MALRD1: variants seen among roughly 807,000 people sequenced by gnomAD.
MALRD1 encodes the protein MAM and LDL receptor class A domain containing 1, also known as MAM and LDL-receptor class A domain-containing protein 1.
MALRD1 carries 247 observed loss-of-function variants against 242.1 expected under a neutral mutation model. The observed-to-expected ratio is 1.02, with a 90% CI of 0.92 to 1.13. MALRD1 has a LOEUF of 1.13. MALRD1 is among the 50% of genes most tolerant of loss of function. The pLI, the probability that MALRD1 is intolerant of heterozygous loss-of-function variation, is 0.00. For synonymous variants in MALRD1, 995 were observed against 866.6 expected, an observed-to-expected ratio of 1.15 and a Z score of -2.60; for missense variants, 2,989 against 2,533.1, an observed-to-expected ratio of 1.18 and a Z score of -3.86.
Position 19,607,905 on chromosome 10 carries a change from A to G in MALRD1, c.6070+3A>G. On this transcript the variant is annotated splice_donor_region_variant and intron_variant, in intron 35 of 39. Transcript: ENST00000454679. ...GCTTGATGAGTCCAGCTGCTCCGGT[A>G]CCCCATTTCCATTCAGATATTCTTG... 1.3e-6 allele frequency: 2 copies of G among 1,549,062 alleles called. No homozygotes were observed. The highest frequency in any genetic ancestry group is 1.7e-6 in the Non-Finnish European group (2 of 1,146,206).
intron 29 of MALRD1, among the ~76,000 whole-genome samples, chr10:19,484,054 A>G (rs1837135051): frequency 6.6e-6 from 1 of 152,170 alleles, no homozygotes; most frequent in African/African-American, 2.4e-5. Flanking sequence ...TTCTCACTTA[A>G]CATGAGGCCT....
At chr10:19,111,156 T>TAA (rs60020045) in intron 5 of MALRD1, among the ~76,000 whole-genome samples, 1 of 151,778 alleles carries the variant, frequency 6.6e-6, no homozygotes, top group Non-Finnish European at 1.5e-5. Flanking sequence ...ATCATATATA[T>TAA]TCAGAAGACA....
At chr10:19,470,877 G>T (rs1589128135) in intron 29 of MALRD1, among the ~76,000 whole-genome samples, 1 of 151,510 alleles carries the variant, frequency 6.6e-6, no homozygotes, top group Non-Finnish European at 1.5e-5. Flanking sequence ...TACTTTCTTG[G>T]GTCGCGTAGG....
rs189368313 is a variant in MALRD1 at position 19,567,749 on chromosome 10, A to G, written c.5680+46A>G. The G allele has an allele frequency of 4.1e-4, 597 of 1,461,084 alleles. 3 individuals are homozygous for G. In the African/African-American group the frequency reaches 6.6e-3, roughly 16 times the overall value. The allele number at this position is 1,461,084 out of a possible 1,614,324, so 90.5% of individuals were successfully genotyped here. On this transcript the variant is annotated intron_variant, in intron 33 of 39. Coordinates refer to ENST00000454679, the MANE Select transcript of MALRD1 (RefSeq NM_001142308.3). The stretch of plus-strand genomic sequence containing the variant: ...ATGGGAATAAGTATTTGTTTTTAGT[A>G]TCTAAATATACTAAAGATTTGGGAA...
intron 21 of MALRD1, among the ~76,000 whole-genome samples, chr10:19,321,957 TC>T (rs1842929627): frequency 6.6e-6 from 1 of 152,138 alleles, no homozygotes; most frequent in Admixed American, 6.6e-5. Context: ...GATTTATTAT[TC>T]TAAGCAAGAG....
intron 21 of MALRD1, among the ~76,000 whole-genome samples, chr10:19,312,400 A>ATATG (rs1491220851): frequency 6.9e-4 from 99 of 143,612 alleles, no homozygotes; most frequent in African/African-American, 1.7e-3. Flanking sequence ...ATATATATAT[A>ATATG]TGTGTATATG....
intron 18 of MALRD1, 131 bp downstream of exon 18, chr10:19,209,811 T>C: frequency 1.1e-6 from 1 of 900,050 alleles, no homozygotes; most frequent in Non-Finnish European, 1.6e-6. Flanking sequence ...ACATTTATCA[T>C]TTATTTGAGG....
chr10:19,485,283 G>A (rs1564381300), intron 29 of MALRD1, among the ~76,000 whole-genome samples: 1 of 152,116 alleles, frequency 6.6e-6, no homozygotes, highest in Non-Finnish European at 1.5e-5. Context: ...CTTTATCGCT[G>A]TACAATTCAT....
intron 2 of MALRD1, among the ~76,000 whole-genome samples, chr10:19,069,478 T>C (rs548744219): frequency 2.8e-4 from 43 of 152,170 alleles, no homozygotes; most frequent in African/African-American, 1.0e-3. Flanking sequence ...ATTTATTATT[T>C]GCAGCACTCT....
At chr10:19,278,027 T>C (rs1840620933) in intron 19 of MALRD1, among the ~76,000 whole-genome samples, 1 of 152,202 alleles carries the variant, frequency 6.6e-6, no homozygotes, top group Non-Finnish European at 1.5e-5. Context: ...ATTTTATATC[T>C]TGTTATTTCT....
intron 36 of MALRD1, among the ~76,000 whole-genome samples, chr10:19,678,049 C>T (rs1298575257): frequency 2.0e-5 from 3 of 152,030 alleles, no homozygotes; most frequent in Non-Finnish European, 4.4e-5. Flanking sequence ...TGTACTAGTA[C>T]CATGCTGTTT....
In MALRD1 at chr10:19,283,148, A is replaced by G. The variant is rs1180418683; in HGVS notation, c.3386A>G (p.Glu1129Gly). The G allele has an allele frequency of 6.5e-7, 1 of 1,548,638 alleles. No homozygotes were observed. The highest frequency in any genetic ancestry group is 1.2e-5 in the South Asian group (1 of 83,864). The change falls in exon 21 of 40, where the codon GAA (glutamate) becomes GGA (glycine). Residue 1129 changes from glutamate to glycine, a missense_variant. Physicochemically the swap from Glu to Gly is moderately conservative, Grantham distance 98. Transcript: ENST00000454679. ...AACGGGATCAGCATTCATCATGGGG[A>G]AGAAAACCACAGGCCATCAGTGGAT... ...LGNGISIHHG[E>G]ENHRPSVDHT...
intron 10 of MALRD1, 53 bp from the exon 11 acceptor site, chr10:19,146,145 T>C: frequency 8.2e-7 from 1 of 1,214,490 alleles, no homozygotes; most frequent in Non-Finnish European, 1.0e-6. Flanking sequence ...GAGCAGTGTT[T>C]GCCTGCATGC....
chr10:19,340,361 A>G (rs1041494252), intron 24 of MALRD1, among the ~76,000 whole-genome samples: 37 of 128,168 alleles, frequency 2.9e-4, no homozygotes, highest in African/African-American at 1.1e-3. Flanking sequence ...TTTTTTTTGT[A>G]CCCATTAACA....
At chr10:19,454,117 T>C (rs1232292727) in intron 29 of MALRD1, among the ~76,000 whole-genome samples, 1 of 151,310 alleles carries the variant, frequency 6.6e-6, no homozygotes, top group Non-Finnish European at 1.5e-5. Flanking sequence ...TAATAGCTTT[T>C]GGATTTTCCT....
At chr10:19,083,273 A>G (rs1202081237) in intron 2 of MALRD1, among the ~76,000 whole-genome samples, 2 of 151,872 alleles carry the variant, frequency 1.3e-5, no homozygotes, top group African/African-American at 4.8e-5. Flanking sequence ...GCAGCTGATA[A>G]CTCTGCATTA....
At chr10:19,270,317 T>C (rs913304562) in intron 19 of MALRD1, among the ~76,000 whole-genome samples, 6 of 132,998 alleles carry the variant, frequency 4.5e-5, no homozygotes, top group African/African-American at 6.5e-5. Context: ...TCTCTCTCTC[T>C]TCTCTCTCTC....
At chr10:19,672,570 C>CA (rs1019947545) in intron 36 of MALRD1, among the ~76,000 whole-genome samples, 6 of 151,888 alleles carry the variant, frequency 4.0e-5, no homozygotes, top group Admixed American at 1.3e-4. Context: ...ATTACAGGTG[C>CA]ACACCACCAT....
intron 26 of MALRD1, among the ~76,000 whole-genome samples, chr10:19,364,565 AT>A: frequency 6.6e-6 from 1 of 152,210 alleles, no homozygotes; most frequent in African/African-American, 2.4e-5. Flanking sequence ...AAACTAAACT[AT>A]TTTTTACCGT....
Sources: allele counts gnomAD v4.1 joint callset (sites outside exome capture counted in the v4.1 genomes callset), GRCh38; gene constraint gnomAD v4.1.1; transcripts MANE v1.5; gene names NCBI Gene and HGNC (gene_info 2026-07-23, HGNC 2026-07-21).